JDP2: variants seen among roughly 807,000 people sequenced by gnomAD.
JDP2 encodes the protein Jun dimerization protein 2.
A neutral mutation model predicts 17.1 loss-of-function variants in JDP2; 9 were observed. That is an observed-to-expected ratio of 0.53 (90% confidence interval 0.32 to 0.92). The LOEUF (loss-of-function observed/expected upper bound fraction) is 0.92, where lower values mean the gene tolerates loss of function less well. Among genes scored for constraint, JDP2 ranks in the 40% least tolerant of loss-of-function variants. The pLI, the probability that JDP2 is intolerant of heterozygous loss-of-function variation, is 0.04. For missense variants in JDP2, 179 were observed against 220.0 expected, an observed-to-expected ratio of 0.81 and a Z score of 1.18; for synonymous variants, 107 against 95.6, an observed-to-expected ratio of 1.12 and a Z score of -0.69.
At chr14:75,446,610 CATAGAGACAGGAA>C (rs545462023) in intron 2 of JDP2, among the ~76,000 whole-genome samples, 1,751 of 152,224 alleles carry the variant, frequency 0.012, 17 homozygotes, top group Admixed American at 0.033. Flanking sequence ...TAGGCAAATT[CATAGAGACAGGAA>C]GTAGAGCCAG....
intron 2 of JDP2, among the ~76,000 whole-genome samples, chr14:75,456,716 A>G (rs1303223418): frequency 6.6e-6 from 1 of 152,064 alleles, no homozygotes; most frequent in Admixed American, 6.5e-5. Context: ...CTGGGGGTGA[A>G]GTTGGTTGCC....
chr14:75,450,128 T>TGAGG (rs1444019878), intron 2 of JDP2, among the ~76,000 whole-genome samples: 1 of 152,162 alleles, frequency 6.6e-6, no homozygotes, highest in African/African-American at 2.4e-5. Context: ...ACATGCTGCA[T>TGAGG]CTGGCTGAGA....
chr14:75,470,510 C>T lies in JDP2; in HGVS notation c.*1035C>T, dbSNP rs1040193914. On this transcript the variant is annotated 3_prime_UTR_variant, in exon 4 of 4. Coordinates refer to ENST00000651602, the MANE Select transcript of JDP2 (RefSeq NM_001135048.2). ...AATGGGTGCAAGGCCCTCTCAGGGT[C>T]GGAGACTGTTTGGAGCCTCTGCTAT... 2 of 152,368 alleles carry T rather than the reference C, an allele frequency of 1.3e-5. No individual in the cohort carries two copies. Among genetic ancestry groups the T allele is most frequent in the Non-Finnish European group, 2.9e-5 (2 of 68,062 alleles). 9.4% of individuals were successfully genotyped at this position (152,368 alleles called of 1,614,324 possible). A position where few individuals can be genotyped will look rare whatever the true frequency, so the allele number is the denominator to read the frequency against.
chr14:75,461,247 C>T (rs929676448), intron 2 of JDP2, among the ~76,000 whole-genome samples, 179 bp from the exon 3 acceptor site: 2 of 152,140 alleles, frequency 1.3e-5, no homozygotes, highest in African/African-American at 4.8e-5. Context: ...TGAGAGGATC[C>T]TTGGACTGGC....
chr14:75,443,004 C>T (rs1337549859), intron 2 of JDP2, among the ~76,000 whole-genome samples: 2 of 152,176 alleles, frequency 1.3e-5, no homozygotes, highest in African/African-American at 4.8e-5. Context: ...GATCCGTGTC[C>T]TCATCATTTT....
chr14:75,469,272 T>C lies in JDP2; in HGVS notation c.307-18T>C, dbSNP rs1286006278. The C allele has an allele frequency of 1.2e-6, 2 of 1,608,724 alleles. No homozygotes were observed. Among genetic ancestry groups the C allele is most frequent in the African/African-American group, 1.3e-5 (1 of 74,852 alleles). On this transcript the variant is annotated intron_variant, in intron 3 of 3. Transcript: ENST00000651602. ...AGTCCCCGTGAAACTCACAGCGTGCTTCTGTGTTGGTATACAGGAATCCGA... is the reference window on the plus strand; with the variant it reads ...AGTCCCCGTGAAACTCACAGCGTGCCTCTGTGTTGGTATACAGGAATCCGA...
rs113054043 is a variant in JDP2 at position 75,455,092 on chromosome 14, T to C, written c.202-6334T>C. Among the ~76,000 whole-genome samples the C allele has an allele frequency of 5.9e-5, 9 of 152,296 alleles. 1 individual carries two copies. The highest frequency in any genetic ancestry group is 2.2e-4 in the African/African-American group (9 of 41,568). ...AATCATGACAACCTGCTAAATGGAC[T>C]GTGTGAGTCCTTAATCGGCTCCAGG... is the stretch of plus-strand genomic sequence containing the variant. On this transcript the variant is annotated intron_variant, in intron 2 of 3. Transcript: ENST00000651602.
At chr14:75,429,689 A>G (rs1237677688) in intron 1 of JDP2, among the ~76,000 whole-genome samples, 1 of 152,200 alleles carries the variant, frequency 6.6e-6, no homozygotes, top group Non-Finnish European at 1.5e-5. Flanking sequence ...CTGATTTTGT[A>G]TAAACCTGAG....
chr14:75,461,734 G>T (rs958576875), intron 3 of JDP2, among the ~76,000 whole-genome samples: 1 of 152,188 alleles, frequency 6.6e-6, no homozygotes, highest in Non-Finnish European at 1.5e-5. Context: ...GCCTTCAGCA[G>T]TTCCTGCCCA....
chr14:75,432,167 T>A (rs1453703371), intron 1 of JDP2: 1 of 671,446 alleles, frequency 1.5e-6, no homozygotes, highest in Non-Finnish European at 2.6e-6. Context: ...GCCTTCACTC[T>A]CAGTCTTGGG....
rs1369163933 is a variant in JDP2, at chr14:75,469,556, G to C, written c.*81G>C. The C allele has an allele frequency of 7.7e-7, 1 of 1,292,350 alleles. No homozygotes were observed. Among genetic ancestry groups the C allele is most frequent in the Non-Finnish European group, 1.1e-6 (1 of 930,972 alleles). 80.1% of individuals were successfully genotyped at this position (1,292,350 alleles called of 1,614,324 possible). A position where few individuals can be genotyped will look rare whatever the true frequency, so the allele number is the denominator to read the frequency against. On this transcript the variant is annotated 3_prime_UTR_variant, in exon 4 of 4. Transcript: ENST00000651602. Reference sequence around the variant, plus strand: ...AGAGAGGAGGAGGGGGGCCCCAGATGGCCCTTCCTTTGGTGCATGAAAAAC... The same window carrying C: ...AGAGAGGAGGAGGGGGGCCCCAGATCGCCCTTCCTTTGGTGCATGAAAAAC...
chr14:75,461,748 AACCCCT>A (rs1886358023), intron 3 of JDP2, among the ~76,000 whole-genome samples: 1 of 152,108 alleles, frequency 6.6e-6, no homozygotes, highest in South Asian at 2.1e-4. Flanking sequence ...CTGCCCACAC[AACCCCT>A]GGAAGCCCAA....
rs190264738 is a variant in JDP2 at position 75,461,494 on chromosome 14, G to A, written c.270G>A (p.Arg90=). 5.7e-5 allele frequency: 91 copies of A among 1,609,502 alleles called. 1 individual carries two copies. In the East Asian group the frequency reaches 1.4e-3, roughly 25 times the overall value. ...EKNKVAAARC[R]NKKKERTEFL... is the part of the protein sequence containing the mutation. ...ACAAAGTCGCAGCAGCCCGATGCCG[G>A]AACAAGAAGAAGGAGCGCACGGAGT... The change falls in exon 3 of 4, where the codon CGG becomes CGA. Residue 90 remains arginine, a synonymous_variant. Transcript: ENST00000651602.
In JDP2 at chr14:75,451,829, T is replaced by C. The variant is rs543146902; in HGVS notation, c.202-9597T>C. Among the ~76,000 whole-genome samples the C allele has an allele frequency of 1.5e-4, 18 of 116,280 alleles. 1 individual carries two copies. In the East Asian group the frequency reaches 5.0e-3, roughly 32 times the overall value. The allele number at this position is 116,280 out of a possible 152,430, so 76.3% of individuals were successfully genotyped here. A position where few individuals can be genotyped will look rare whatever the true frequency, so the allele number is the denominator to read the frequency against. On this transcript the variant is annotated intron_variant, in intron 2 of 3. Coordinates refer to ENST00000651602, the MANE Select transcript of JDP2 (RefSeq NM_001135048.2). The stretch of plus-strand genomic sequence containing the variant: ...TCTTGAAGAGCAAGCCATTTCCTTC[T>C]CTGGGACTCAGTTTCCTCATCTAAA...
At chr14:75,464,112 T>A (rs868586661) in intron 3 of JDP2, among the ~76,000 whole-genome samples, 32 of 152,286 alleles carry the variant, frequency 2.1e-4, no homozygotes, top group African/African-American at 7.5e-4. Flanking sequence ...CCCTCACCCC[T>A]GTGTTCTCCT....
chr14:75,437,825 A>C (rs1467777843), intron 1 of JDP2, 73 bp from the exon 2 acceptor site: 2 of 1,045,908 alleles, frequency 1.9e-6, no homozygotes, highest in Admixed American at 5.4e-5. Context: ...CAGTCCTGGC[A>C]AGACGAGGGA....
At position 75,447,249 on chromosome 14, in the gene JDP2, C is replaced by T. The variant is rs187637262; in HGVS notation, c.201+9128C>T. ...AAACCAGCCCAGTTCTTTGAAGGAG[C>T]GAGGACATCTGTGTTCAGGTCAGAA... On this transcript the variant is annotated intron_variant, in intron 2 of 3. Coordinates refer to ENST00000651602, the MANE Select transcript of JDP2 (RefSeq NM_001135048.2). 1.9e-3 allele frequency among the ~76,000 whole-genome samples: 282 copies of T among 152,278 alleles called. 1 individual carries two copies. Among genetic ancestry groups the T allele is most frequent in the African/African-American group, 6.5e-3 (270 of 41,554 alleles).
intron 3 of JDP2, among the ~76,000 whole-genome samples, chr14:75,463,495 C>T (rs1049231044): frequency 1.3e-5 from 2 of 152,050 alleles, no homozygotes; most frequent in African/African-American, 4.8e-5. Context: ...AGGAAAGTGA[C>T]GTGTGCCGAG....
chr14:75,438,431 A>C (rs1241173737), intron 2 of JDP2, among the ~76,000 whole-genome samples: 1 of 152,182 alleles, frequency 6.6e-6, no homozygotes, highest in Non-Finnish European at 1.5e-5. Flanking sequence ...AATGAATAGT[A>C]ATATCTTGGC....
Sources: allele counts gnomAD v4.1 joint callset (sites outside exome capture counted in the v4.1 genomes callset), GRCh38; gene constraint gnomAD v4.1.1; transcripts MANE v1.5; gene names NCBI Gene and HGNC (gene_info 2026-07-23, HGNC 2026-07-21).